The following HEXB variants were observed in gnomAD, a reference collection of about 807,000 sequenced individuals.
HEXB encodes hexosaminidase subunit beta.
In HEXB, 51 loss-of-function variants were observed where a neutral mutation model predicts 71.2. The ratio of observed to expected loss-of-function variants is 0.72; its 90% CI spans 0.57 to 0.90. HEXB has a LOEUF of 0.90. Among genes scored for constraint, HEXB ranks in the 40% least tolerant of loss-of-function variants. The probability of loss-of-function intolerance (pLI) is 0.00; values close to 1 mark genes in which losing one functional copy is unlikely to be tolerated. For synonymous variants in HEXB, 266 were observed against 249.3 expected (o/e 1.07, Z -0.63); for missense variants, 617 against 677.0 (o/e 0.91, Z 0.98).
At chr5:74,651,993 T>C (rs1446365546) in intron 1 of HEXB, among the ~76,000 whole-genome samples, 1 of 152,116 alleles carries the variant, frequency 6.6e-6, no homozygotes, top group Non-Finnish European at 1.5e-5. Context: ...GCCAGCTCTG[T>C]GTAAAACTAC....
At chr5:74,653,890 G>A (rs1169098144) in intron 1 of HEXB, among the ~76,000 whole-genome samples, 1 of 152,152 alleles carries the variant, frequency 6.6e-6, no homozygotes, top group East Asian at 1.9e-4. Context: ...AAAGAGCTCA[G>A]AGACTAGTAG....
At chr5:74,711,807 G>A (rs1258789184) in intron 6 of HEXB, among the ~76,000 whole-genome samples, 4 of 152,038 alleles carry the variant, frequency 2.6e-5, no homozygotes, top group Non-Finnish European at 5.9e-5. Context: ...AGGATGTGGA[G>A]AAATAGGAAC....
chr5:74,693,717 C>A lies in HEXB; in HGVS notation c.511+13C>A. Reference sequence around the variant, plus strand: ...GGAGCATTACGAGGTAAGTTCCATGCAGTTTCATTGTTACTTTCCAGTAAA... The same window carrying A: ...GGAGCATTACGAGGTAAGTTCCATGAAGTTTCATTGTTACTTTCCAGTAAA... On this transcript the variant is annotated intron_variant, in intron 3 of 13. Transcript: ENST00000261416. The A allele has an allele frequency of 1.3e-6, 2 of 1,598,930 alleles. No homozygotes were observed. Among genetic ancestry groups the A allele is most frequent in the South Asian group, 2.2e-5 (2 of 90,748 alleles).
upstream of HEXB, among the ~76,000 whole-genome samples, chr5:74,684,878 A>G (rs2593641): frequency 2.6e-5 from 4 of 151,276 alleles, no homozygotes; most frequent in African/African-American, 7.3e-5. Flanking sequence ...GGTTTCACCA[A>G]TTTGGCCAGG....
intron 1 of HEXB, among the ~76,000 whole-genome samples, chr5:74,653,443 C>T (rs10073786): frequency 0.5 from 75,350 of 152,068 alleles, 19,445 homozygotes; most frequent in East Asian, 0.62. Flanking sequence ...CCTGAAACAA[C>T]AGAAGCCAGC....
chr5:74,720,336 A>C (rs922975801), intron 11 of HEXB, 92 bp from the exon 12 acceptor site: 4 of 959,548 alleles, frequency 4.2e-6, no homozygotes, highest in Non-Finnish European at 3.4e-6. Flanking sequence ...ATGTTGCCCT[A>C]GGATAAAGAT....
intron 1 of HEXB, among the ~76,000 whole-genome samples, chr5:74,664,563 T>C (rs1041109456): frequency 2.0e-5 from 3 of 151,882 alleles, no homozygotes; most frequent in Non-Finnish European, 4.4e-5. Flanking sequence ...GATAGATTTA[T>C]GTTAAATATA....
At chr5:74,661,243 G>C (rs573321480) in intron 1 of HEXB, among the ~76,000 whole-genome samples, 1 of 152,242 alleles carries the variant, frequency 6.6e-6, no homozygotes, top group South Asian at 2.1e-4. Flanking sequence ...AACATAAATC[G>C]AAATCCACAG....
chr5:74,654,111 A>G lies in HEXB; in HGVS notation c.-377+13553A>G, dbSNP rs1748173121. ...GCCCCACCCAAGATCATTCTTGTGG[A>G]CCCAGGTGTAGCCAGCTCACACTAG... On this transcript the variant is annotated intron_variant, in intron 1 of 13. Transcript: ENST00000511181. Among the ~76,000 whole-genome samples the G allele has an allele frequency of 2.6e-5, 4 of 152,212 alleles. No homozygotes were observed. The South Asian group carries it at 8.3e-4, about 32-fold the overall frequency.
At chr5:74,660,969 C>T (rs1748307325) in intron 1 of HEXB, among the ~76,000 whole-genome samples, 1 of 152,152 alleles carries the variant, frequency 6.6e-6, no homozygotes, top group African/African-American at 2.4e-5. Flanking sequence ...AACAGCATCT[C>T]ACTTGTAAAG....
At chr5:74,699,181 C>T (rs974052406) in intron 5 of HEXB, among the ~76,000 whole-genome samples, 2 of 152,046 alleles carry the variant, frequency 1.3e-5, no homozygotes, top group East Asian at 3.9e-4. Flanking sequence ...AAGACTCCAT[C>T]TCAAAACAAA....
chr5:74,696,964 T>A (rs375718189), intron 4 of HEXB, 32 bp from the exon 5 acceptor site: 5 of 1,189,640 alleles, frequency 4.2e-6, no homozygotes, highest in Non-Finnish European at 6.3e-6. Context: ...CAGAAAATTC[T>A]AAAACTAAAT....
intron 6 of HEXB, among the ~76,000 whole-genome samples, chr5:74,711,570 CACAA>C (rs1297254769): frequency 1.3e-5 from 2 of 152,156 alleles, no homozygotes; most frequent in Non-Finnish European, 2.9e-5. Flanking sequence ...CTACAATGAA[CACAA>C]ACAAATTTAC....
At chr5:74,642,684 G>A (rs974707533) in intron 1 of HEXB, among the ~76,000 whole-genome samples, 2 of 151,732 alleles carry the variant, frequency 1.3e-5, no homozygotes, top group African/African-American at 4.8e-5. Context: ...CTGGTTGGTT[G>A]GGGATTTTGC....
chr5:74,646,099 A>G (rs753477210), intron 1 of HEXB, among the ~76,000 whole-genome samples: 1 of 152,144 alleles, frequency 6.6e-6, no homozygotes, highest in Non-Finnish European at 1.5e-5. Context: ...AGTATGGGAT[A>G]GTAACAGTAC....
At chr5:74,685,176 C>A (rs562951186), upstream of HEXB, 131 of 1,369,170 alleles carry the variant, frequency 9.6e-5, 2 homozygotes, top group South Asian at 2.0e-3. Context: ...CACCCGCGGC[C>A]GCGCTTCCTC....
rs772089862 is a variant in HEXB, at chr5:74,685,440, G to T, written c.180G>T (p.Pro60=). 6.2e-7 allele frequency: 1 copy of T among 1,610,130 alleles called. No individual in the cohort carries two copies. Among genetic ancestry groups the T allele is most frequent in the East Asian group, 2.2e-5 (1 of 44,658 alleles). The part of the protein sequence containing the change: ...AKPGPALWPL[P]LLVKMTPNLL... Reference sequence around the variant, plus strand: ...CGGGGCCGGCGCTGTGGCCCCTGCCGCTCTTGGTGAAGATGACCCCGAACC... The same window carrying T: ...CGGGGCCGGCGCTGTGGCCCCTGCCTCTCTTGGTGAAGATGACCCCGAACC... The change falls in exon 1 of 14, where the codon CCG becomes CCT. Residue 60 remains proline (P), a synonymous_variant. Coordinates refer to ENST00000261416, the MANE Select transcript of HEXB (RefSeq NM_000521.4).
chr5:74,669,115 T>C lies in HEXB; in HGVS notation c.-376-20213T>C, dbSNP rs186536139. Among the ~76,000 whole-genome samples the C allele has an allele frequency of 1.4e-3, 218 of 152,180 alleles. 1 individual carries two copies. Among genetic ancestry groups the C allele is most frequent in the Middle Eastern group, 3.4e-3 (1 of 294 alleles). On this transcript the variant is annotated intron_variant, in intron 1 of 13. Coordinates refer to the HEXB transcript ENST00000511181. ...GACAGGAGCACACCACCACGCCCTA[T>C]TAATTTTTTGTATTTTTAATAGAAA...
At chr5:74,677,188 T>C (rs900130689) in intron 1 of HEXB, among the ~76,000 whole-genome samples, 1 of 152,148 alleles carries the variant, frequency 6.6e-6, no homozygotes, top group Admixed American at 6.5e-5. Flanking sequence ...GCATACGTTG[T>C]TCTTTGCATC....
Sources: allele counts gnomAD v4.1 joint callset (sites outside exome capture counted in the v4.1 genomes callset), GRCh38; gene constraint gnomAD v4.1.1; transcripts MANE v1.5; gene names NCBI Gene and HGNC (gene_info 2026-07-23, HGNC 2026-07-21).